The following TOX variants were observed in gnomAD, a reference collection of about 807,000 sequenced individuals.
The protein encoded by TOX is thymocyte selection-associated high mobility group box protein TOX.
In TOX, 11 loss-of-function variants were observed where a neutral mutation model predicts 53.7. The observed-to-expected ratio is 0.20, with a 90% CI of 0.13 to 0.34. The LOEUF is 0.34. Ranked by LOEUF, TOX falls within the 10% of genes least tolerant of loss-of-function variation. The pLI, the probability that TOX is intolerant of heterozygous loss-of-function variation, is 1.00. For missense variants in TOX, 570 were observed against 664.6 expected, an observed-to-expected ratio of 0.86 and a Z score of 1.56; for synonymous variants, 225 against 245.3, an observed-to-expected ratio of 0.92 and a Z score of 0.77.
intron 1 of TOX, among the ~76,000 whole-genome samples, chr8:59,071,465 C>T (rs571739556): frequency 9.2e-5 from 14 of 152,314 alleles, no homozygotes; most frequent in African/African-American, 2.4e-4. Context: ...CAAGTTCCAA[C>T]GGCAGCTTGT....
chr8:59,044,951 C>T (rs1048600523), intron 1 of TOX, among the ~76,000 whole-genome samples: 3 of 152,230 alleles, frequency 2.0e-5, no homozygotes, highest in Non-Finnish European at 4.4e-5. Flanking sequence ...AAGTATTAGT[C>T]GTGGAATGCC....
chr8:58,981,306 C>T (rs1286676625), intron 1 of TOX, among the ~76,000 whole-genome samples: 1 of 151,472 alleles, frequency 6.6e-6, no homozygotes, highest in African/African-American at 2.5e-5. Context: ...GTCGTCGTTC[C>T]ACTGTCTCCA....
intron 1 of TOX, among the ~76,000 whole-genome samples, chr8:58,978,414 G>A (rs76610932): frequency 1.8e-4 from 28 of 152,286 alleles, no homozygotes; most frequent in African/African-American, 6.5e-4. Flanking sequence ...CAGACTCCTC[G>A]TATGCTTCTG....
intron 3 of TOX, among the ~76,000 whole-genome samples, chr8:58,920,737 G>GAAAAAAAAGAAAAAAAAAAAAAAAAA (rs1812055960): frequency 2.1e-5 from 1 of 47,742 alleles, no homozygotes; most frequent in Non-Finnish European, 4.3e-5. Flanking sequence ...AAAAAAAAAA[G>GAAAAAAAAGAAAAAAAAAAAAAAAAA]AAAAAAAAGA....
At chr8:58,915,415 C>A (rs1481738071) in intron 3 of TOX, among the ~76,000 whole-genome samples, 4 of 96,492 alleles carry the variant, frequency 4.1e-5, no homozygotes, top group African/African-American at 4.3e-5. Flanking sequence ...AGCAGCCTAA[C>A]TGGGAGGCAC....
rs182579681 is a variant in TOX, at chr8:58,966,681, G to C, written c.103-6673C>G. Among the ~76,000 whole-genome samples, 113 of 152,112 alleles carry C rather than the reference G, an allele frequency of 7.4e-4. 1 individual carries two copies. Among genetic ancestry groups the C allele is most frequent in the Middle Eastern group, 6.8e-3 (2 of 294 alleles). On this transcript the variant is annotated intron_variant, in intron 1 of 8. Coordinates refer to ENST00000361421, the MANE Select transcript of TOX (RefSeq NM_014729.3). ...ATTCTTTTTGTTAACTGTGAAAACTGAAATTTTCAATAATAATAATAATAC... is the reference window on the plus strand; with the variant it reads ...ATTCTTTTTGTTAACTGTGAAAACTCAAATTTTCAATAATAATAATAATAC...
intron 1 of TOX, among the ~76,000 whole-genome samples, chr8:58,979,539 G>A (rs931800085): frequency 6.6e-6 from 1 of 152,080 alleles, no homozygotes; most frequent in Admixed American, 6.5e-5. Context: ...AAAATTATTC[G>A]TAATTTTTCA....
intron 1 of TOX, among the ~76,000 whole-genome samples, chr8:58,981,416 T>A (rs780468545): frequency 6.6e-6 from 1 of 152,160 alleles, no homozygotes; most frequent in Non-Finnish European, 1.5e-5. Flanking sequence ...TTTTTTCATT[T>A]CCCTCCATCT....
Position 58,857,826 on chromosome 8 carries a change from T to C in TOX, c.412-6021A>G, listed in dbSNP as rs1172997499. Among the ~76,000 whole-genome samples the C allele has an allele frequency of 2.6e-5, 4 of 152,166 alleles. No homozygotes were observed. The East Asian group carries it at 7.7e-4, about 29-fold the overall frequency. On this transcript the variant is annotated intron_variant, in intron 3 of 8. Coordinates refer to ENST00000361421, the MANE Select transcript of TOX (RefSeq NM_014729.3). ...ACTCTGTCGCACAGGCTACAGTGCA[T>C]TTGCACGACATTGGCTCACTGCAAC... is the stretch of plus-strand genomic sequence containing the variant.
rs1803566798 is a variant in TOX, at chr8:59,040,697, A to T, written c.102+78189T>A. ...ACCAGGGCCACATCTGCACAGCACG[A>T]CCAAAGCACACTTTGACTAGAAAGT... On this transcript the variant is annotated intron_variant, in intron 1 of 8. Coordinates refer to ENST00000361421, the MANE Select transcript of TOX (RefSeq NM_014729.3). 2.0e-5 allele frequency among the ~76,000 whole-genome samples: 3 copies of T among 152,218 alleles called. 1 individual carries two copies. In the South Asian group the frequency reaches 6.2e-4, roughly 32 times the overall value.
chr8:59,099,800 G>T (rs1191777808), intron 1 of TOX, among the ~76,000 whole-genome samples: 1 of 152,140 alleles, frequency 6.6e-6, no homozygotes, highest in Non-Finnish European at 1.5e-5. Context: ...GAAATGAAAT[G>T]ATAAAGAAAA....
chr8:58,817,785 T>C (rs925136415), intron 6 of TOX, among the ~76,000 whole-genome samples: 3 of 152,202 alleles, frequency 2.0e-5, no homozygotes, highest in Admixed American at 1.3e-4. Flanking sequence ...TTATAGGTGT[T>C]GTTTTTAATT....
rs774325617 is a variant in TOX, at chr8:58,805,922, C to G, written c.*1825G>C. 9.2e-5 allele frequency: 14 copies of G among 152,642 alleles called. No homozygotes were observed. The highest frequency in any genetic ancestry group is 1.9e-4 in the Non-Finnish European group (13 of 68,038). 9.5% of individuals were successfully genotyped at this position (152,642 alleles called of 1,614,324 possible). A position where few individuals can be genotyped will look rare whatever the true frequency, so the allele number is the denominator to read the frequency against. Reference sequence around the variant, plus strand: ...AAGCATACCTTTTGTCTGTTTAATTCTGAGTGGATTACACAATGCATATAT... The same window carrying G: ...AAGCATACCTTTTGTCTGTTTAATTGTGAGTGGATTACACAATGCATATAT... On this transcript the variant is annotated 3_prime_UTR_variant, in exon 9 of 9. Coordinates refer to ENST00000361421, the MANE Select transcript of TOX (RefSeq NM_014729.3).
intron 1 of TOX, among the ~76,000 whole-genome samples, chr8:59,095,081 C>A (rs970167483): frequency 5.9e-5 from 9 of 152,184 alleles, no homozygotes; most frequent in African/African-American, 2.2e-4. Flanking sequence ...GTCTTATAAA[C>A]CCTATTATGT....
chr8:58,947,683 A>G lies in TOX; in HGVS notation c.169-8139T>C, dbSNP rs558332731. ...GGAACTTAGGCTCTCAATAAAGAACAGTATATTTGAAGTGTCAAACTAAGT... is the reference window on the plus strand; with the variant it reads ...GGAACTTAGGCTCTCAATAAAGAACGGTATATTTGAAGTGTCAAACTAAGT... On this transcript the variant is annotated intron_variant, in intron 2 of 8. Transcript: ENST00000361421. Among the ~76,000 whole-genome samples the G allele has an allele frequency of 4.6e-5, 7 of 152,356 alleles. No homozygotes were observed. The East Asian group carries it at 1.4e-3, about 29-fold the overall frequency.
chr8:59,046,799 C>T (rs1803690567), intron 1 of TOX, among the ~76,000 whole-genome samples: 1 of 124,086 alleles, frequency 8.1e-6, no homozygotes, highest in Admixed American at 1.1e-4. Context: ...GCAGAGGTTG[C>T]AGTAAGCCAA....
intron 3 of TOX, among the ~76,000 whole-genome samples, chr8:58,907,794 A>G (rs1037874601): frequency 6.6e-6 from 1 of 152,184 alleles, no homozygotes; most frequent in Non-Finnish European, 1.5e-5. Flanking sequence ...GAATAAAACT[A>G]GTGGCAATTC....
chr8:58,867,048 A>C (rs184354758), intron 3 of TOX, among the ~76,000 whole-genome samples: 21 of 152,340 alleles, frequency 1.4e-4, no homozygotes, highest in Admixed American at 1.2e-3. Context: ...GAGAACAAGA[A>C]GGAATATCTA....
intron 2 of TOX, among the ~76,000 whole-genome samples, chr8:58,950,650 G>A (rs992697179): frequency 2.0e-5 from 3 of 152,168 alleles, no homozygotes; most frequent in East Asian, 3.8e-4. Flanking sequence ...AAGAACCCTC[G>A]ATGTTCAGTT....
Sources: gnomAD v4.1 joint callset for allele counts (sites outside exome capture counted in the v4.1 genomes callset) on GRCh38, gnomAD v4.1.1 for gene constraint, MANE v1.5 for transcripts, NCBI Gene and HGNC (gene_info 2026-07-23, HGNC 2026-07-21) for gene names.